The following CCDC191 variants were observed in gnomAD, a reference collection of about 807,000 sequenced individuals.
CCDC191 encodes the protein coiled-coil domain containing 191, also known as coiled-coil domain-containing protein 191.
In CCDC191, 99 loss-of-function variants were observed where a neutral mutation model predicts 114.0. The ratio of observed to expected loss-of-function variants is 0.87; its 90% confidence interval spans 0.74 to 1.03. The LOEUF (loss-of-function observed/expected upper bound fraction) is 1.03. Among genes scored for constraint, CCDC191 ranks in the 50% least tolerant of loss-of-function variants. The pLI is 0.00. For missense variants in CCDC191, 973 were observed against 1,087.0 expected, an observed-to-expected ratio of 0.90 and a Z score of 1.47; for synonymous variants, 351 against 376.0, an observed-to-expected ratio of 0.93 and a Z score of 0.77.
chr3:114,005,476 G>A, intron 10 of CCDC191, 32 bp downstream of exon 10: 12 of 1,555,722 alleles, frequency 7.7e-6, no homozygotes, highest in Non-Finnish European at 1.0e-5. Context: ...CCCTTAAAAT[G>A]AGTCCAGCGA....
At chr3:114,022,505 T>C (rs2107706880) in intron 7 of CCDC191, among the ~76,000 whole-genome samples, 1 of 152,304 alleles carries the variant, frequency 6.6e-6, no homozygotes, top group Non-Finnish European at 1.5e-5. Context: ...GACAAAAATG[T>C]CAACAAGTTT....
intron 2 of CCDC191, 177 bp from the exon 3 acceptor site, chr3:114,046,909 CAT>C: frequency 1.0e-6 from 1 of 975,474 alleles, no homozygotes; most frequent in South Asian, 4.7e-5. Context: ...TGGGAGGTTT[CAT>C]ATATAATATT....
Position 114,045,678 on chromosome 3 carries a change from C to T in CCDC191, c.271+913G>A, listed in dbSNP as rs568665601. 4.1e-4 allele frequency among the ~76,000 whole-genome samples: 62 copies of T among 152,268 alleles called. 1 individual carries two copies. The highest frequency in any genetic ancestry group is 1.1e-3 in the African/African-American group (46 of 41,552). ...ATGTGACATACCTTCTCCTCACTCC[C>T]GCCAGCTTCTCTCTGTGGGGAAGCT... On this transcript the variant is annotated intron_variant, in intron 3 of 16. Transcript: ENST00000295878.
chr3:113,994,143 G>T (rs552454009), intron 13 of CCDC191, among the ~76,000 whole-genome samples: 1 of 152,230 alleles, frequency 6.6e-6, no homozygotes, highest in South Asian at 2.1e-4. Context: ...GAAAATATTT[G>T]CAAATCACAT....
chr3:113,979,819 G>A (rs1577334631), intron 14 of CCDC191, among the ~76,000 whole-genome samples: 1 of 152,170 alleles, frequency 6.6e-6, no homozygotes, highest in Admixed American at 6.5e-5. Context: ...CAGACTGAGA[G>A]CCAAAAGATG....
chr3:114,036,005 A>G (rs1241613659), intron 5 of CCDC191, among the ~76,000 whole-genome samples: 3 of 152,200 alleles, frequency 2.0e-5, no homozygotes, highest in Non-Finnish European at 4.4e-5. Context: ...ACACACATGT[A>G]CAGATATTAA....
intron 9 of CCDC191, among the ~76,000 whole-genome samples, chr3:114,008,454 A>G (rs1383498439): frequency 2.0e-5 from 3 of 151,224 alleles, no homozygotes; most frequent in African/African-American, 4.8e-5. Flanking sequence ...GGGACCCTCT[A>G]GTGCACAATT....
At chr3:114,008,996 T>C (rs1455801025) in intron 9 of CCDC191, among the ~76,000 whole-genome samples, 3 of 152,116 alleles carry the variant, frequency 2.0e-5, no homozygotes, top group Non-Finnish European at 4.4e-5. Context: ...CAGGGCAGGA[T>C]GTTACTATAC....
intron 3 of CCDC191, among the ~76,000 whole-genome samples, chr3:114,044,135 G>T (rs976259020): frequency 6.6e-6 from 1 of 151,970 alleles, no homozygotes; most frequent in African/African-American, 2.4e-5. Context: ...TTTTCAGCAC[G>T]CAGACTGTAT....
At chr3:114,013,227 C>T (rs1205820572) in intron 8 of CCDC191, among the ~76,000 whole-genome samples, 1 of 149,264 alleles carries the variant, frequency 6.7e-6, no homozygotes, top group African/African-American at 2.5e-5. Flanking sequence ...GCCTGGGCAA[C>T]AGAGTGAGAC....
At chr3:113,973,602 TTTTTTTC>T (rs1941039465) in intron 16 of CCDC191, among the ~76,000 whole-genome samples, 1 of 151,754 alleles carries the variant, frequency 6.6e-6, no homozygotes, top group Non-Finnish European at 1.5e-5. Flanking sequence ...GCAGGTTTTT[TTTTTTTC>T]TTTTTTCTTT....
At chr3:114,049,414 G>C (rs992341155) in intron 2 of CCDC191, among the ~76,000 whole-genome samples, 2 of 152,128 alleles carry the variant, frequency 1.3e-5, no homozygotes, top group African/African-American at 2.4e-5. Context: ...TGTAAATAAC[G>C]TACAAATAAA....
intron 7 of CCDC191, among the ~76,000 whole-genome samples, chr3:114,025,393 T>C (rs1447845237): frequency 1.3e-5 from 2 of 152,174 alleles, no homozygotes; most frequent in African/African-American, 4.8e-5. Flanking sequence ...CAACTTTTTT[T>C]CTGAAGTATT....
Position 114,010,767 on chromosome 3 carries a change from C to T in CCDC191, c.1413+5G>A, listed in dbSNP as rs186423545. On this transcript the variant is annotated splice_donor_5th_base_variant and intron_variant, in intron 9 of 16. Coordinates refer to ENST00000295878, the MANE Select transcript of CCDC191 (RefSeq NM_020817.2). ...AGTGTTTACTAAGCAGGAAAAACAACGTACCTGTCCATTTTTTACTGGTGG... is the reference window on the plus strand; with the variant it reads ...AGTGTTTACTAAGCAGGAAAAACAATGTACCTGTCCATTTTTTACTGGTGG... The T allele has an allele frequency of 1.1e-4, 180 of 1,599,242 alleles. 1 individual carries two copies. Among genetic ancestry groups the T allele is most frequent in the Admixed American group, 1.7e-4 (10 of 57,846 alleles).
At chr3:113,997,633 A>G (rs974720295) in intron 13 of CCDC191, among the ~76,000 whole-genome samples, 2 of 152,246 alleles carry the variant, frequency 1.3e-5, no homozygotes, top group African/African-American at 4.8e-5. Flanking sequence ...CCAACCTTAA[A>G]GAGCTCCCAG....
At chr3:113,967,218 C>G (rs1940280526) in intron 16 of CCDC191, among the ~76,000 whole-genome samples, 1 of 152,194 alleles carries the variant, frequency 6.6e-6, no homozygotes, top group Admixed American at 6.5e-5. Context: ...GGGCACACTC[C>G]CAGTCCTTGA....
At chr3:114,008,430 A>T (rs905851667) in intron 9 of CCDC191, among the ~76,000 whole-genome samples, 1 of 152,096 alleles carries the variant, frequency 6.6e-6, no homozygotes, top group African/African-American at 2.4e-5. Flanking sequence ...TAATCAGGGT[A>T]AAAAGCAAGG....
intron 4 of CCDC191, among the ~76,000 whole-genome samples, chr3:114,041,197 GT>G (rs1376764546): frequency 1.3e-5 from 2 of 152,032 alleles, no homozygotes; most frequent in East Asian, 3.9e-4. Flanking sequence ...AAGTACTGAA[GT>G]ACCACACTTT....
At chr3:114,004,254 A>G in intron 11 of CCDC191, 1 of 987,446 alleles carries the variant, frequency 1.0e-6, no homozygotes, top group Non-Finnish European at 1.2e-6. Context: ...TCAAATTTGA[A>G]CATTAACAAA....
Sources: allele counts gnomAD v4.1 joint callset (sites outside exome capture counted in the v4.1 genomes callset), GRCh38; gene constraint gnomAD v4.1.1; transcripts MANE v1.5; gene names NCBI Gene and HGNC (gene_info 2026-07-23, HGNC 2026-07-21).